CTNND2: variants seen among roughly 807,000 people sequenced by gnomAD.
CTNND2 encodes the protein catenin delta-2.
A neutral mutation model predicts 144.4 loss-of-function variants in CTNND2; 22 were observed. The observed-to-expected ratio is 0.15, with a 90% CI of 0.11 to 0.22. The LOEUF (loss-of-function observed/expected upper bound fraction) is 0.22. Ranked by LOEUF, CTNND2 falls within the 10% of genes least tolerant of loss-of-function variation. The pLI is 1.00. For synonymous variants in CTNND2, 751 were observed against 695.6 expected, an observed-to-expected ratio of 1.08 and a Z score of -1.25; for missense variants, 1,353 against 1,618.8, an observed-to-expected ratio of 0.84 and a Z score of 2.82.
chr5:11,852,372 T>C (rs1037953722), intron 1 of CTNND2, among the ~76,000 whole-genome samples: 1 of 152,150 alleles, frequency 6.6e-6, no homozygotes, highest in Non-Finnish European at 1.5e-5. Context: ...CAATGCCAAA[T>C]CACTATATTC....
In CTNND2 at chr5:11,395,132, A is replaced by G. The variant is rs146383223; in HGVS notation, c.612+1899T>C. On this transcript the variant is annotated intron_variant, in intron 6 of 21. Transcript: ENST00000304623. ...GAGGGATCTGAACAATAGTGTCATT[A>G]TTGGAATGGAATGTGGCCTCCCTTC... Among the ~76,000 whole-genome samples, 506 of 152,350 alleles carry G rather than the reference A, an allele frequency of 3.3e-3. 3 individuals carry two copies. The highest frequency in any genetic ancestry group is 6.3e-3 in the Non-Finnish European group (431 of 68,038).
chr5:11,731,007 AG>A (rs1787358849), intron 2 of CTNND2, among the ~76,000 whole-genome samples: 1 of 152,210 alleles, frequency 6.6e-6, no homozygotes, highest in African/African-American at 2.4e-5. Context: ...AAACATAATC[AG>A]AAAACTCTCA....
At chr5:11,449,542 G>T (rs1224804329) in intron 3 of CTNND2, among the ~76,000 whole-genome samples, 2 of 152,206 alleles carry the variant, frequency 1.3e-5, no homozygotes, top group East Asian at 3.8e-4. Context: ...GAGGATCACA[G>T]GGGTGGAGGC....
At chr5:11,894,204 G>A (rs879871093) in intron 1 of CTNND2, among the ~76,000 whole-genome samples, 1 of 152,018 alleles carries the variant, frequency 6.6e-6, no homozygotes, top group Non-Finnish European at 1.5e-5. Flanking sequence ...AGCCCACCAA[G>A]AGAGAAAATA....
At chr5:11,316,449 G>A (rs1751484761) in intron 9 of CTNND2, among the ~76,000 whole-genome samples, 1 of 146,778 alleles carries the variant, frequency 6.8e-6, no homozygotes, top group South Asian at 2.2e-4. Context: ...CGTGAGGTAG[G>A]TACTCTTATC....
At position 11,435,470 on chromosome 5, in the gene CTNND2, C is replaced by T. The variant is rs540614913; in HGVS notation, c.288-23401G>A. Among the ~76,000 whole-genome samples the T allele has an allele frequency of 2.9e-4, 44 of 152,138 alleles. 1 individual carries two copies. The highest frequency in any genetic ancestry group is 7.9e-4 in the Admixed American group (12 of 15,286). ...TGACAAACGTTTTCTGTAAAGGCACCGCTATTTCAGGCTTTACAAGCCCTA... is the reference window on the plus strand; with the variant it reads ...TGACAAACGTTTTCTGTAAAGGCACTGCTATTTCAGGCTTTACAAGCCCTA... On this transcript the variant is annotated intron_variant, in intron 3 of 21. Transcript: ENST00000304623.
chr5:11,404,599 A>ATTATTTTTTT, intron 5 of CTNND2, among the ~76,000 whole-genome samples: 1 of 32,840 alleles, frequency 3.0e-5, no homozygotes, highest in Non-Finnish European at 9.6e-5. Flanking sequence ...CAGTATCTGT[A>ATTATTTTTTT]TTCTTTTTTT....
intron 16 of CTNND2, among the ~76,000 whole-genome samples, chr5:11,074,069 T>C (rs1748645695): frequency 6.6e-6 from 1 of 152,198 alleles, no homozygotes; most frequent in African/African-American, 2.4e-5. Context: ...TGGGTTGCAC[T>C]GGACTTTCCA....
chr5:11,355,019 G>T (rs750241355), intron 8 of CTNND2, among the ~76,000 whole-genome samples: 1 of 151,882 alleles, frequency 6.6e-6, no homozygotes, highest in Non-Finnish European at 1.5e-5. Context: ...GAAATTAAAC[G>T]GCAAATTAAA....
rs138470944 is a variant in CTNND2 at position 11,267,532 on chromosome 5, G to A, written c.1629-30709C>T. On this transcript the variant is annotated intron_variant, in intron 9 of 21. Coordinates refer to ENST00000304623, the MANE Select transcript of CTNND2 (RefSeq NM_001332.4). ...ATTTTTATTAACTTGAAAGACCTAA[G>A]CAACTGGTTGTCTTTTCTGCAACTC... 1.3e-4 allele frequency among the ~76,000 whole-genome samples: 20 copies of A among 152,272 alleles called. 1 individual carries two copies. Among genetic ancestry groups the A allele is most frequent in the Admixed American group, 5.9e-4 (9 of 15,302 alleles).
chr5:11,495,720 C>T (rs942725207), intron 3 of CTNND2, among the ~76,000 whole-genome samples: 4 of 152,230 alleles, frequency 2.6e-5, no homozygotes, highest in African/African-American at 7.2e-5. Flanking sequence ...CACTCCCTCT[C>T]TCCTGCCTCT....
intron 16 of CTNND2, among the ~76,000 whole-genome samples, chr5:11,082,133 T>A (rs1436596541): frequency 6.6e-6 from 1 of 152,200 alleles, no homozygotes; most frequent in Non-Finnish European, 1.5e-5. Flanking sequence ...TCTGTTTTGC[T>A]TATTGATTTA....
At chr5:11,574,817 A>T (rs1230359920) in intron 2 of CTNND2, among the ~76,000 whole-genome samples, 2 of 152,180 alleles carry the variant, frequency 1.3e-5, no homozygotes. Flanking sequence ...CAGCCTTTCT[A>T]TATTTAAAGG....
intron 5 of CTNND2, among the ~76,000 whole-genome samples, chr5:11,397,747 C>T (rs751878018): frequency 5.3e-5 from 8 of 152,142 alleles, no homozygotes; most frequent in Non-Finnish European, 2.9e-5. Flanking sequence ...TTCACCGTCG[C>T]CTCACATAAT....
intron 3 of CTNND2, among the ~76,000 whole-genome samples, chr5:11,497,282 CA>C (rs1770046572): frequency 6.6e-6 from 1 of 151,368 alleles, no homozygotes; most frequent in African/African-American, 2.4e-5. Context: ...ACAAAGATGT[CA>C]CTTCTGAGTC....
chr5:11,478,004 C>T (rs1479682814), intron 3 of CTNND2, among the ~76,000 whole-genome samples: 1 of 152,146 alleles, frequency 6.6e-6, no homozygotes, highest in Non-Finnish European at 1.5e-5. Context: ...TAGAGTTTAA[C>T]CTCAAATTCA....
intron 3 of CTNND2, among the ~76,000 whole-genome samples, chr5:11,512,726 C>T (rs563340686): frequency 3.8e-4 from 58 of 152,264 alleles, no homozygotes; most frequent in African/African-American, 1.1e-3. Flanking sequence ...TTACATAGGG[C>T]TCCAGGGGAA....
chr5:11,139,938 G>T (rs548288168), intron 12 of CTNND2, among the ~76,000 whole-genome samples: 3 of 152,252 alleles, frequency 2.0e-5, no homozygotes, highest in Admixed American at 2.0e-4. Context: ...TGTCTTCAGA[G>T]CCAGGGGAGA....
chr5:11,377,736 G>A (rs1004779654), intron 7 of CTNND2, among the ~76,000 whole-genome samples: 3 of 152,108 alleles, frequency 2.0e-5, no homozygotes, highest in South Asian at 2.1e-4. Flanking sequence ...GGGCCACCTC[G>A]CAATCCCAAC....
Sources: gnomAD v4.1 joint callset for allele counts (sites outside exome capture counted in the v4.1 genomes callset) on GRCh38, gnomAD v4.1.1 for gene constraint, MANE v1.5 for transcripts, NCBI Gene and HGNC (gene_info 2026-07-23, HGNC 2026-07-21) for gene names.